The following UPP2 variants were observed in gnomAD, a reference collection of about 807,000 sequenced individuals.
UPP2 encodes the protein UPase 2.
In UPP2, 23 loss-of-function variants were observed where a neutral mutation model predicts 26.7. The observed-to-expected ratio is 0.86, with a 90% CI of 0.62 to 1.22. The LOEUF (loss-of-function observed/expected upper bound fraction) is 1.22. Ranked by LOEUF, UPP2 falls within the 50% of genes most tolerant of loss-of-function variation. The pLI is 0.00. For missense variants in UPP2, 387 were observed against 396.7 expected (o/e 0.98, Z 0.21); for synonymous variants, 127 against 141.3 (o/e 0.90, Z 0.72).
intron 3 of UPP2, among the ~76,000 whole-genome samples, chr2:158,028,426 C>G (rs1574252621): frequency 6.6e-6 from 1 of 152,296 alleles, no homozygotes; most frequent in East Asian, 1.9e-4. Flanking sequence ...ACAAGCTCCT[C>G]ATCACCATCT....
chr2:158,119,190 A>G (rs113193108), intron 4 of UPP2, among the ~76,000 whole-genome samples: 1 of 152,162 alleles, frequency 6.6e-6, no homozygotes, highest in African/African-American at 2.4e-5. Flanking sequence ...CATGCATTGT[A>G]AAGTCCTGAC....
At chr2:158,132,051 T>C (rs1463602830) in intron 6 of UPP2, among the ~76,000 whole-genome samples, 2 of 152,228 alleles carry the variant, frequency 1.3e-5, no homozygotes, top group East Asian at 3.9e-4. Flanking sequence ...TCAACTTTTC[T>C]GTGCGACTGC....
At chr2:158,064,346 G>A (rs1682401218) in intron 3 of UPP2, among the ~76,000 whole-genome samples, 1 of 127,930 alleles carries the variant, frequency 7.8e-6, no homozygotes, top group African/African-American at 3.0e-5. Flanking sequence ...CTAATGACCA[G>A]TGATGATGAG....
chr2:158,042,096 C>G (rs574475482), intron 3 of UPP2, among the ~76,000 whole-genome samples: 36 of 152,096 alleles, frequency 2.4e-4, no homozygotes, highest in Admixed American at 2.1e-3. Flanking sequence ...CTTTGCAGAC[C>G]AGGGGCCAGG....
At chr2:158,080,887 G>A (rs189003684) in intron 3 of UPP2, among the ~76,000 whole-genome samples, 250 of 152,242 alleles carry the variant, frequency 1.6e-3, no homozygotes, top group African/African-American at 4.9e-3. Context: ...GAGAGGAGAG[G>A]AAAGATCTCC....
intron 4 of UPP2, among the ~76,000 whole-genome samples, chr2:158,120,109 T>C (rs919204845): frequency 3.9e-5 from 6 of 152,132 alleles, no homozygotes; most frequent in African/African-American, 1.4e-4. Context: ...TTGGATCTTC[T>C]AAAGCATTTT....
At chr2:157,995,231 C>A in exon 2 of UPP2, 1 of 1,613,600 alleles carries the variant, frequency 6.2e-7, no homozygotes, top group Non-Finnish European at 8.5e-7. Flanking sequence ...TGGACCCAGA[C>A]CAAGAAGTGG....
chr2:158,045,841 G>C (rs79893411), intron 3 of UPP2, among the ~76,000 whole-genome samples: 1 of 152,128 alleles, frequency 6.6e-6, no homozygotes, highest in Non-Finnish European at 1.5e-5. Flanking sequence ...GCTACGAGAG[G>C]CTAGATCGCA....
intron 3 of UPP2, among the ~76,000 whole-genome samples, chr2:158,044,510 G>A (rs770240782): frequency 2.6e-5 from 4 of 152,176 alleles, no homozygotes; most frequent in Non-Finnish European, 4.4e-5. Context: ...GGGTGACATG[G>A]TGGTGACCTG....
chr2:158,038,703 AT>A (rs895238607), intron 3 of UPP2, among the ~76,000 whole-genome samples: 3 of 152,006 alleles, frequency 2.0e-5, no homozygotes, highest in Non-Finnish European at 4.4e-5. Context: ...TTGGGAGAGA[AT>A]TTTTTTTACT....
upstream of UPP2, among the ~76,000 whole-genome samples, chr2:158,098,162 A>G (rs1404863051): frequency 6.6e-6 from 1 of 152,192 alleles, no homozygotes; most frequent in Non-Finnish European, 1.5e-5. Flanking sequence ...AGAGAGAAAA[A>G]GTACAAAGAG....
At chr2:158,080,083 T>G (rs1682696952) in intron 3 of UPP2, among the ~76,000 whole-genome samples, 1 of 152,160 alleles carries the variant, frequency 6.6e-6, no homozygotes, top group South Asian at 2.1e-4. Flanking sequence ...GATTAAGAGA[T>G]TTGTGTTCCA....
chr2:158,033,061 G>T (rs1206147960), intron 3 of UPP2, among the ~76,000 whole-genome samples: 5 of 152,066 alleles, frequency 3.3e-5, no homozygotes, highest in African/African-American at 1.2e-4. Flanking sequence ...TAGGAGGCCA[G>T]GGGTCATTTA....
intron 3 of UPP2, among the ~76,000 whole-genome samples, chr2:158,037,281 A>G (rs1684018079): frequency 6.6e-6 from 1 of 152,134 alleles, no homozygotes; most frequent in Non-Finnish European, 1.5e-5. Flanking sequence ...AGGCTGAGGC[A>G]GGAGAATCGC....
intron 2 of UPP2, among the ~76,000 whole-genome samples, chr2:158,002,265 G>A (rs1284854951): frequency 6.6e-6 from 1 of 152,168 alleles, no homozygotes; most frequent in Non-Finnish European, 1.5e-5. Flanking sequence ...TCAAAGTGAT[G>A]AGTACCAAAG....
chr2:158,110,910 C>T (rs1221658437), intron 2 of UPP2, among the ~76,000 whole-genome samples: 1 of 151,986 alleles, frequency 6.6e-6, no homozygotes. Context: ...GGATATTAGC[C>T]CTTTGTCAGA....
intron 2 of UPP2, among the ~76,000 whole-genome samples, chr2:158,111,505 T>A (rs1019017136): frequency 6.6e-6 from 1 of 152,186 alleles, no homozygotes; most frequent in Non-Finnish European, 1.5e-5. Flanking sequence ...TTGGATCATA[T>A]GTTTGTTTAT....
Position 158,113,311 on chromosome 2 carries a change from T to C in UPP2, c.181-1790T>C, listed in dbSNP as rs914686309. On this transcript the variant is annotated intron_variant, in intron 2 of 6. Transcript: ENST00000005756. The stretch of plus-strand genomic sequence containing the variant: ...TGAGGTTATTTTCAAACTACCGTAC[T>C]GTGTTAAAAAATTTCCTTGGACTTA... Among the ~76,000 whole-genome samples, 6 of 152,348 alleles carry C rather than the reference T, an allele frequency of 3.9e-5. No individual in the cohort carries two copies. In the South Asian group the frequency reaches 1.2e-3, roughly 32 times the overall value.
intron 6 of UPP2, among the ~76,000 whole-genome samples, chr2:158,128,958 T>C (rs1683749908): frequency 6.6e-6 from 1 of 152,136 alleles, no homozygotes; most frequent in African/African-American, 2.4e-5. Context: ...AAATCAGGTA[T>C]AAATGGTATA....
Sources: gnomAD v4.1 joint callset for allele counts (sites outside exome capture counted in the v4.1 genomes callset) on GRCh38, gnomAD v4.1.1 for gene constraint, MANE v1.5 for transcripts, NCBI Gene and HGNC (gene_info 2026-07-23, HGNC 2026-07-21) for gene names.